The following PTGER3 variants were observed in gnomAD, a reference collection of about 807,000 sequenced individuals.
PTGER3 encodes prostaglandin E2 receptor EP3 subtype.
In PTGER3, 22 loss-of-function variants were observed where a neutral mutation model predicts 34.7. The observed-to-expected ratio is 0.63, with a 90% confidence interval of 0.45 to 0.91. The LOEUF (loss-of-function observed/expected upper bound fraction) is 0.91, where lower values mean the gene tolerates loss of function less well. Ranked by LOEUF, PTGER3 falls within the 40% of genes least tolerant of loss-of-function variation. The pLI is 0.00. For synonymous variants in PTGER3, 241 were observed against 230.1 expected (o/e 1.05, Z -0.43); for missense variants, 468 against 519.4 (o/e 0.90, Z 0.96).
intron 4 of PTGER3, among the ~76,000 whole-genome samples, chr1:70,864,408 T>C (rs982637421): frequency 3.3e-5 from 5 of 152,176 alleles, no homozygotes; most frequent in Non-Finnish European, 1.5e-5. Flanking sequence ...GACTAATAAC[T>C]TTTTGCTGAA....
downstream of PTGER3, chr1:70,950,716 T>C (rs751368993): frequency 2.6e-5 from 4 of 152,150 alleles, no homozygotes; most frequent in Non-Finnish European, 1.5e-5. Context: ...TCTTCTTCTT[T>C]TTATTTTATT....
At chr1:70,949,989 TA>T (rs5775036), downstream of PTGER3, among the ~76,000 whole-genome samples, 94,404 of 151,854 alleles carry the variant, frequency 0.62, 30,003 homozygotes, top group East Asian at 0.72. Flanking sequence ...ATAACAAATC[TA>T]AAAGAGTAAA....
Position 71,046,937 on chromosome 1 carries a change from C to T in PTGER3, c.641G>A (p.Arg214Gln), listed in dbSNP as rs926187292. Reference sequence around the variant, plus strand: ...CGAAGAGCTAGTCCCGTTGCCCCCTCGCCCGGTGCTGATGAAGCACCACGT... The same window carrying T: ...CGAAGAGCTAGTCCCGTTGCCCCCTTGCCCGGTGCTGATGAAGCACCACGT... ...PGTWCFISTG[R>Q]GGNGTSSSHN... The change falls in exon 1 of 4, where the codon CGA (arginine) becomes CAA (glutamine). Residue 214 changes from arginine to glutamine, a missense_variant. Arg to Gln is a conservative substitution (Grantham distance 43). Around this residue, in one of 5 missense-constraint regions of PTGER3, gnomAD observed 204 missense variants for 230.8 expected, o/e 0.88. Coordinates refer to ENST00000306666, the MANE Select transcript of PTGER3 (RefSeq NM_198719.2). 1 of 1,607,542 alleles carries T rather than the reference C, an allele frequency of 6.2e-7. No individual in the cohort carries two copies. The highest frequency in any genetic ancestry group is 8.5e-7 in the Non-Finnish European group (1 of 1,177,114).
chr1:71,010,954 G>C (rs1378054675), intron 2 of PTGER3: 1 of 985,382 alleles, frequency 1.0e-6, no homozygotes, highest in Non-Finnish European at 1.2e-6. Flanking sequence ...TAAAAAACTA[G>C]AAAAGCAGTG....
intron 2 of PTGER3, among the ~76,000 whole-genome samples, chr1:70,977,638 C>A (rs1285963031): frequency 6.6e-6 from 1 of 152,032 alleles, no homozygotes; most frequent in East Asian, 1.9e-4. Flanking sequence ...CCTCTCTTCA[C>A]CTCTGATTAC....
chr1:70,985,952 C>G (rs1654873493), intron 2 of PTGER3, among the ~76,000 whole-genome samples: 1 of 152,094 alleles, frequency 6.6e-6, no homozygotes, highest in Non-Finnish European at 1.5e-5. Context: ...GATGGTTAGG[C>G]ATTCTAAGTC....
intron 2 of PTGER3, among the ~76,000 whole-genome samples, chr1:70,977,054 G>C (rs484675): frequency 0.61 from 93,267 of 152,024 alleles, 28,832 homozygotes; most frequent in Middle Eastern, 0.65. Context: ...ACTAAGCTGT[G>C]TTACAGGATA....
chr1:70,891,538 A>T (rs991432211), intron 4 of PTGER3, among the ~76,000 whole-genome samples: 1 of 152,188 alleles, frequency 6.6e-6, no homozygotes, highest in Non-Finnish European at 1.5e-5. Flanking sequence ...AAAAAAAGAA[A>T]AATTTGTCCA....
At chr1:70,966,032 T>C (rs79216918), downstream of PTGER3, among the ~76,000 whole-genome samples, 210 of 152,342 alleles carry the variant, frequency 1.4e-3, 2 homozygotes, top group East Asian at 0.032. Context: ...CCAACTTTTA[T>C]CTGGAAATAA....
chr1:70,903,150 C>T (rs1646876641), intron 4 of PTGER3, among the ~76,000 whole-genome samples: 1 of 152,008 alleles, frequency 6.6e-6, no homozygotes, highest in South Asian at 2.1e-4. Context: ...TGACTACAAG[C>T]CAAGGAACAC....
chr1:71,034,425 A>G (rs1408851016), intron 1 of PTGER3, among the ~76,000 whole-genome samples: 2 of 152,190 alleles, frequency 1.3e-5, no homozygotes, highest in African/African-American at 2.4e-5. Context: ...CATATTTACC[A>G]AAGTACCTGG....
chr1:70,995,147 C>T (rs762073154), intron 2 of PTGER3, among the ~76,000 whole-genome samples: 1 of 152,126 alleles, frequency 6.6e-6, no homozygotes, highest in Admixed American at 6.5e-5. Context: ...GGGTAGGTGT[C>T]ATTTGAGCTG....
At chr1:70,885,025 A>T (rs1240067840) in intron 4 of PTGER3, among the ~76,000 whole-genome samples, 2 of 152,282 alleles carry the variant, frequency 1.3e-5, no homozygotes, top group Non-Finnish European at 1.5e-5. Flanking sequence ...AATTTTTGGC[A>T]CTTTGTCTAA....
At chr1:70,987,707 C>A (rs1655054647) in intron 2 of PTGER3, among the ~76,000 whole-genome samples, 1 of 152,098 alleles carries the variant, frequency 6.6e-6, no homozygotes, top group South Asian at 2.1e-4. Flanking sequence ...ATAGGCATAA[C>A]CACAACCACC....
At chr1:70,996,415 ATTATT>A (rs1655945951) in intron 2 of PTGER3, among the ~76,000 whole-genome samples, 1 of 152,024 alleles carries the variant, frequency 6.6e-6, no homozygotes, top group Middle Eastern at 3.2e-3. Context: ...GTTCCTTATA[ATTATT>A]TTAAACTTTA....
chr1:70,971,154 T>C lies in PTGER3; in HGVS notation c.*576A>G, dbSNP rs1653038114. On this transcript the variant is annotated 3_prime_UTR_variant, in exon 4 of 4. Transcript: ENST00000306666. The stretch of plus-strand genomic sequence containing the variant: ...TGAGACTTAGGAACTTTTAGTTCCA[T>C]GCTAAGCCCACAGGGACACAACATC... 1.0e-6 allele frequency: 1 copy of C among 985,314 alleles called. No individual in the cohort carries two copies. Among genetic ancestry groups the C allele is most frequent in the Non-Finnish European group, 1.2e-6 (1 of 829,938 alleles). The allele number at this position is 985,314 out of a possible 1,614,324, so 61.0% of individuals were successfully genotyped here. A position where few individuals can be genotyped will look rare whatever the true frequency, so the allele number is the denominator to read the frequency against.
chr1:70,958,512 T>G (rs1458452048), intron 2 of PTGER3, among the ~76,000 whole-genome samples: 9 of 152,190 alleles, frequency 5.9e-5, no homozygotes, highest in Non-Finnish European at 1.0e-4. Context: ...TCTTTTGCCA[T>G]TTTTTATCTG....
exon 4 of PTGER3, chr1:70,952,616 C>G: frequency 9.6e-7 from 1 of 1,042,806 alleles, no homozygotes; most frequent in Non-Finnish European, 1.2e-6. Context: ...TACCAGCATG[C>G]ATATGAAAAA....
chr1:70,863,508 A>G (rs1481949716), intron 4 of PTGER3, among the ~76,000 whole-genome samples: 1 of 152,190 alleles, frequency 6.6e-6, no homozygotes, highest in Non-Finnish European at 1.5e-5. Context: ...CTTCAAAATC[A>G]TAGATCATGA....
Sources: allele counts gnomAD v4.1 joint callset (sites outside exome capture counted in the v4.1 genomes callset), GRCh38; gene constraint gnomAD v4.1.1; regional missense constraint gnomAD v4.1.1; transcripts MANE v1.5; gene names NCBI Gene and HGNC (gene_info 2026-07-23, HGNC 2026-07-21).